EVI2B: variants seen among roughly 807,000 people sequenced by gnomAD.
The protein encoded by EVI2B is ecotropic viral integration site 2B.
In EVI2B, 4 loss-of-function variants were observed where a neutral mutation model predicts 6.6. The observed-to-expected ratio is 0.61, with a 90% CI of 0.30 to 1.39. The LOEUF is 1.39. EVI2B is among the 40% of genes most tolerant of loss of function. The probability of loss-of-function intolerance (pLI) is 0.08; values close to 1 mark genes in which losing one functional copy is unlikely to be tolerated. For synonymous variants in EVI2B, 181 were observed against 186.8 expected, an observed-to-expected ratio of 0.97 and a Z score of 0.25; for missense variants, 484 against 516.6, an observed-to-expected ratio of 0.94 and a Z score of 0.61.
At position 31,304,601 on chromosome 17, in the gene EVI2B, C is replaced by G. The variant is rs775216222; in HGVS notation, c.1009G>C (p.Asp337His). 167 of 1,614,108 alleles carry G rather than the reference C, an allele frequency of 1.0e-4. No homozygotes were observed. The Middle Eastern group carries it at 1.2e-3, about 11-fold the overall frequency. ...GTAVSSSDDA[D>H]LPPPPPLLDL... ...AGAAGGGGAGGTGGTGGAGGCAGAT[C>G]TGCATCATCTGAAGAAGAAACAGCA... The change falls in exon 2 of 2, where the codon GAT (aspartate) becomes CAT (histidine). Residue 337 changes from aspartate (D) to histidine (H), a missense_variant. Coordinates refer to ENST00000330927, the MANE Select transcript of EVI2B (RefSeq NM_006495.4).
In EVI2B at chr17:31,304,312, T is replaced by C; in HGVS notation, c.1298A>G (p.Asp433Gly). Residue 433 changes from aspartate to glycine, a missense_variant, in exon 2 of 2, where the codon GAT becomes GGT. Transcript: ENST00000330927. ...TGGCAGGGATTCATTAAGATCTTGATCAGAGTTGGGAGGAATAGAGAACTC... is the reference window on the plus strand; with the variant it reads ...TGGCAGGGATTCATTAAGATCTTGACCAGAGTTGGGAGGAATAGAGAACTC... ...CQEFSIPPNS[D>G]QDLNESLPPP... 1 of 1,613,780 alleles carries C rather than the reference T, an allele frequency of 6.2e-7. No individual in the cohort carries two copies. Among genetic ancestry groups the C allele is most frequent in the South Asian group, 1.1e-5 (1 of 91,014 alleles).
chr17:31,304,650 A>G lies in EVI2B; in HGVS notation c.960T>C (p.Ser320=), dbSNP rs750452159. 1.9e-6 allele frequency: 3 copies of G among 1,614,174 alleles called. No homozygotes were observed. Among genetic ancestry groups the G allele is most frequent in the African/African-American group, 1.3e-5 (1 of 75,046 alleles). The change falls in exon 2 of 2, where the codon AGT becomes AGC. Residue 320 remains serine (S), a synonymous_variant. Coordinates refer to ENST00000330927, the MANE Select transcript of EVI2B (RefSeq NM_006495.4). ...KDQVNGTSED[S]ADGSTVGTAV... is the part of the protein sequence containing the mutation. ...CAGTTCCAACTGTTGAACCATCAGC[A>G]CTATCTTCTGATGTACCATTTACTT... is the stretch of plus-strand genomic sequence containing the variant.
intron 1 of EVI2B, among the ~76,000 whole-genome samples, chr17:31,310,631 C>T (rs1025063324): frequency 3.8e-4 from 58 of 152,080 alleles, no homozygotes; most frequent in African/African-American, 1.3e-3. Flanking sequence ...CCTTACCATC[C>T]TCTCCCTTTT....
chr17:31,313,458 CTTTGGGAG>C (rs2068934789), intron 1 of EVI2B, among the ~76,000 whole-genome samples: 1 of 152,060 alleles, frequency 6.6e-6, no homozygotes, highest in African/African-American at 2.4e-5. Context: ...AATCCCAGCA[CTTTGGGAG>C]GCGGAGGTAA....
At position 31,305,915 on chromosome 17, in the gene EVI2B, C is replaced by G. The variant is rs145887114; in HGVS notation, c.-21-285G>C. On this transcript the variant is annotated intron_variant, in intron 1 of 1. Coordinates refer to ENST00000330927, the MANE Select transcript of EVI2B (RefSeq NM_006495.4). ...TTCTGTACTTGGCTCTGCTGCCCCTCTAGCTTCATTATATTTCAGTACTTC... is the reference window on the plus strand; with the variant it reads ...TTCTGTACTTGGCTCTGCTGCCCCTGTAGCTTCATTATATTTCAGTACTTC... 3.5e-3 allele frequency among the ~76,000 whole-genome samples: 528 copies of G among 152,324 alleles called. 4 individuals carry two copies. The highest frequency in any genetic ancestry group is 0.012 in the African/African-American group (492 of 41,570).
rs764563923 is a variant in EVI2B at position 31,304,389 on chromosome 17, T to C, written c.1221A>G (p.Pro407=). 9 of 1,614,134 alleles carry C rather than the reference T, an allele frequency of 5.6e-6. No homozygotes were observed. Among genetic ancestry groups the C allele is most frequent in the Non-Finnish European group, 6.8e-6 (8 of 1,179,992 alleles). The change falls in exon 2 of 2, where the codon CCA becomes CCG. Residue 407 remains proline (P), a synonymous_variant. Transcript: ENST00000330927. ...PLDSLNLPLP[P]VDFMKNQEDS... ...CTTCTTGGTTTTTCATAAAATCTAC[T>C]GGTGGCAGGGGCAAGTTAAGTGAGT...
chr17:31,311,242 C>T (rs1379332196), intron 1 of EVI2B, among the ~76,000 whole-genome samples: 4 of 151,922 alleles, frequency 2.6e-5, no homozygotes, highest in Admixed American at 2.6e-4. Context: ...CATGAGCCAC[C>T]GAGCCCGGCC....
chr17:31,305,453 C>G lies in EVI2B; in HGVS notation c.157G>C (p.Gly53Arg). Reference protein sequence around the residue: ...QVLANSQNTTGNPLGQPTQFS... With the variant: ...QVLANSQNTTRNPLGQPTQFS... Reference sequence around the variant, plus strand: ...TGTGTTGGTTGACCCAAAGGATTCCCTGTTGTGTTTTGAGAATTAGCCAAT... The same window carrying G: ...TGTGTTGGTTGACCCAAAGGATTCCGTGTTGTGTTTTGAGAATTAGCCAAT... The change falls in exon 2 of 2, where the codon GGG becomes CGG. Residue 53 changes from glycine to arginine, a missense_variant. Transcript: ENST00000330927. 2 of 1,614,116 alleles carry G rather than the reference C, an allele frequency of 1.2e-6. No homozygotes were observed. Among genetic ancestry groups the G allele is most frequent in the Non-Finnish European group, 1.7e-6 (2 of 1,180,008 alleles).
Position 31,304,368 on chromosome 17 carries a change from TTGGTTTTTCATAAAATC to T in EVI2B, c.1225_1241del (p.Asp409ArgfsTer6). On this transcript the variant is annotated frameshift_variant, in exon 2 of 2. Coordinates refer to ENST00000330927, the MANE Select transcript of EVI2B (RefSeq NM_006495.4). LOFTEE classifies it high-confidence loss of function. ...ACTGGATCTCAAGGTTGGAATCTTC[TTGGTTTTTCATAAAATC>T]TACTGGTGGCAGGGGCAAGTTAAGT... 1 of 1,614,150 alleles carries T rather than the reference TTGGTTTTTCATAAAATC, an allele frequency of 6.2e-7. No individual in the cohort carries two copies. The highest frequency in any genetic ancestry group is 8.5e-7 in the Non-Finnish European group (1 of 1,180,002).
At position 31,305,333 on chromosome 17, in the gene EVI2B, C is replaced by T. The variant is rs1262676015; in HGVS notation, c.277G>A (p.Glu93Lys). Residue 93 changes from glutamate to lysine, a missense_variant, in exon 2 of 2, where the codon GAA becomes AAA. Glu to Lys is a moderately conservative substitution (Grantham distance 56). Transcript: ENST00000330927. ...PAVYTSSEKP[E>K]AHTSAGQPLA... Reference sequence around the variant, plus strand: ...GGTTGTCCAGCAGAAGTATGTGCTTCTGGTTTTTCAGAAGAGGTATAGACA... The same window carrying T: ...GGTTGTCCAGCAGAAGTATGTGCTTTTGGTTTTTCAGAAGAGGTATAGACA... 2 of 1,614,122 alleles carry T rather than the reference C, an allele frequency of 1.2e-6. No homozygotes were observed. Among genetic ancestry groups the T allele is most frequent in the Non-Finnish European group, 1.7e-6 (2 of 1,180,018 alleles).
At chr17:31,308,041 G>T in intron 1 of EVI2B, 1 of 565,110 alleles carries the variant, frequency 1.8e-6, no homozygotes, top group Non-Finnish European at 2.9e-6. Context: ...GTTCTCCTTT[G>T]AACTCTCCTG....
At chr17:31,312,544 T>G (rs1313351535) in intron 1 of EVI2B, among the ~76,000 whole-genome samples, 3 of 150,050 alleles carry the variant, frequency 2.0e-5, no homozygotes, top group Non-Finnish European at 4.4e-5. Context: ...AAGTATGGGA[T>G]TCTATGACAA....
At chr17:31,309,839 A>G (rs192768558) in intron 1 of EVI2B, among the ~76,000 whole-genome samples, 2 of 152,336 alleles carry the variant, frequency 1.3e-5, no homozygotes, top group African/African-American at 4.8e-5. Flanking sequence ...TTCACTTGTC[A>G]GTTAACGGTT....
chr17:31,305,982 G>T, intron 1 of EVI2B, among the ~76,000 whole-genome samples: 1 of 152,046 alleles, frequency 6.6e-6, no homozygotes, highest in East Asian at 1.9e-4. Flanking sequence ...CTATATGCTG[G>T]ATCCATGTGT....
rs748117738 is a variant in EVI2B, at chr17:31,305,536, G to A, written c.74C>T (p.Thr25Ile). 2 of 1,614,026 alleles carry A rather than the reference G, an allele frequency of 1.2e-6. No homozygotes were observed. Among genetic ancestry groups the A allele is most frequent in the Admixed American group, 1.7e-5 (1 of 60,002 alleles). ...LNNTFFSKTE[T>I]ITTEKQSQPT... ...CTGTGACTGCTTCTCTGTTGTAATTGTCTCTGTCTTTGAAAAAAATGTATT... is the reference window on the plus strand; with the variant it reads ...CTGTGACTGCTTCTCTGTTGTAATTATCTCTGTCTTTGAAAAAAATGTATT... Residue 25 changes from threonine (T) to isoleucine (I), a missense_variant, in exon 2 of 2, where the codon ACA becomes ATA. Physicochemically the swap from Thr to Ile is moderately conservative, Grantham distance 89 (BLOSUM62 -1). Coordinates refer to ENST00000330927, the MANE Select transcript of EVI2B (RefSeq NM_006495.4).
chr17:31,313,550 A>G (rs527531867), intron 1 of EVI2B, among the ~76,000 whole-genome samples: 1 of 151,914 alleles, frequency 6.6e-6, no homozygotes, highest in South Asian at 2.1e-4. Flanking sequence ...CTAAAAATAC[A>G]AAAAAATTAG....
chr17:31,310,945 T>C (rs2068857301), intron 1 of EVI2B, among the ~76,000 whole-genome samples: 1 of 151,692 alleles, frequency 6.6e-6, no homozygotes, highest in African/African-American at 2.4e-5. Context: ...ATGTTCTTTT[T>C]TTTTTTTTTT....
rs1393940274 is a variant in EVI2B at position 31,305,382 on chromosome 17, G to T, written c.228C>A (p.Val76=). ...FSGQSISPAK[V]TAGQPTPAVY... is the part of the protein sequence containing the mutation. ...CAGCTGGTGTTGGTTGTCCAGCAGT[G>T]ACTTTGGCAGGTGATATTGATTGTC... The change falls in exon 2 of 2, where the codon GTC becomes GTA. Residue 76 remains valine, a synonymous_variant. Transcript: ENST00000330927. The T allele has an allele frequency of 1.2e-6, 2 of 1,614,176 alleles. No homozygotes were observed. The highest frequency in any genetic ancestry group is 2.2e-5 in the South Asian group (2 of 91,078).
chr17:31,305,173 A>G lies in EVI2B; in HGVS notation c.437T>C (p.Phe146Ser). Residue 146 changes from phenylalanine (F) to serine (S), a missense_variant, in exon 2 of 2, where the codon TTT becomes TCT. By Grantham distance (155) the Phe-to-Ser change is radical. Transcript: ENST00000330927. ...TQPPKSFVYTFTQQSSSVQIP... is the reference protein window; with the variant it reads ...TQPPKSFVYTSTQQSSSVQIP... ...CTGGACAGATGATGATTGTTGAGTA[A>G]AAGTATAGACAAATGACTTTGGTGG... 1 of 1,614,136 alleles carries G rather than the reference A, an allele frequency of 6.2e-7. No individual in the cohort carries two copies. The highest frequency in any genetic ancestry group is 8.5e-7 in the Non-Finnish European group (1 of 1,180,020).
Sources: allele counts gnomAD v4.1 joint callset (sites outside exome capture counted in the v4.1 genomes callset), GRCh38; gene constraint gnomAD v4.1.1; transcripts MANE v1.5; gene names NCBI Gene and HGNC (gene_info 2026-07-23, HGNC 2026-07-21).